PCDHA2: variants seen among roughly 807,000 people sequenced by gnomAD.
The protein encoded by PCDHA2 is protocadherin alpha 2.
Under a neutral mutation model 66.0 loss-of-function variants are expected in PCDHA2, and 58 were observed. That is an observed-to-expected ratio of 0.88 (90% CI 0.71 to 1.09). PCDHA2 has a LOEUF of 1.09. Ranked by LOEUF, PCDHA2 falls within the 50% of genes least tolerant of loss-of-function variation. The pLI, the probability that PCDHA2 is intolerant of heterozygous loss-of-function variation, is 0.00. For missense variants in PCDHA2, 1,267 were observed against 1,242.3 expected (o/e 1.02, Z -0.30); for synonymous variants, 634 against 554.0 (o/e 1.14, Z -2.03).
intron 1 of PCDHA2, chr5:140,814,870 A>G (rs1246667787): frequency 2.6e-5 from 4 of 152,220 alleles, no homozygotes; most frequent in South Asian, 4.2e-4. Flanking sequence ...AGGTGTTTTA[A>G]TGTTGGGTGC....
At chr5:140,977,094 T>C (rs1291290436) in intron 1 of PCDHA2, among the ~76,000 whole-genome samples, 1 of 152,206 alleles carries the variant, frequency 6.6e-6, no homozygotes, top group Non-Finnish European at 1.5e-5. Context: ...AATGTGTCAT[T>C]GGGGAAGTGA....
intron 1 of PCDHA2, chr5:140,807,555 T>C (rs1554124077): frequency 3.7e-6 from 6 of 1,613,804 alleles, no homozygotes; most frequent in Non-Finnish European, 5.1e-6. Flanking sequence ...GACGTGGAGG[T>C]GAGGGACATT....
At chr5:140,886,860 C>T (rs1363871264) in intron 1 of PCDHA2, among the ~76,000 whole-genome samples, 1 of 151,304 alleles carries the variant, frequency 6.6e-6, no homozygotes, top group East Asian at 1.9e-4. Flanking sequence ...AAGGTCTTCC[C>T]AACTCCTATA....
chr5:140,997,686 G>T (rs1005092816), intron 3 of PCDHA2, among the ~76,000 whole-genome samples: 1 of 151,980 alleles, frequency 6.6e-6, no homozygotes, highest in Non-Finnish European at 1.5e-5. Flanking sequence ...GTGTGTGTGT[G>T]TGTGTGTGTG....
chr5:140,801,062 G>C (rs1554121267), intron 1 of PCDHA2: 7 of 1,455,288 alleles, frequency 4.8e-6, no homozygotes, highest in Non-Finnish European at 6.3e-6. Flanking sequence ...CGTGCATTAC[G>C]TATTCAGATA....
At position 140,797,311 on chromosome 5, in the gene PCDHA2, G is replaced by T; in HGVS notation, c.2347G>T (p.Ala783Ser). ...TAGCTTATCTCAAGGTCCAGACTCC[G>T]CAGAAGAGAAACAGCTCTCAGAATC... ...SPSLSQGPDS[A>S]EEKQLSESEY... Residue 783 changes from alanine to serine, a missense_variant, in exon 1 of 4, where the codon GCA becomes TCA. Ala to Ser is a moderately conservative substitution (Grantham distance 99). Coordinates refer to ENST00000526136, the MANE Select transcript of PCDHA2 (RefSeq NM_018905.3). 4 of 1,614,198 alleles carry T rather than the reference G, an allele frequency of 2.5e-6. No homozygotes were observed. In the Admixed American group the frequency reaches 5.0e-5, roughly 20 times the overall value.
chr5:140,936,003 C>T (rs1362734996), intron 1 of PCDHA2, among the ~76,000 whole-genome samples: 22 of 151,556 alleles, frequency 1.5e-4, no homozygotes, highest in Non-Finnish European at 1.5e-4. Context: ...AGCGATTCTC[C>T]CACCTCAGCC....
At chr5:140,888,128 T>C (rs1365856723) in intron 1 of PCDHA2, among the ~76,000 whole-genome samples, 1 of 152,248 alleles carries the variant, frequency 6.6e-6, no homozygotes, top group Non-Finnish European at 1.5e-5. Flanking sequence ...TCTATGGATA[T>C]ATTTTCTTGC....
At chr5:140,809,706 G>A in intron 1 of PCDHA2, 1 of 1,097,712 alleles carries the variant, frequency 9.1e-7, no homozygotes, top group Non-Finnish European at 1.3e-6. Flanking sequence ...TTTAACTAAA[G>A]TCTTTTGGAA....
chr5:140,899,962 C>G (rs1562916347), intron 1 of PCDHA2, among the ~76,000 whole-genome samples: 1 of 152,064 alleles, frequency 6.6e-6, no homozygotes, highest in African/African-American at 2.4e-5. Flanking sequence ...CATGTGCTGC[C>G]ATGCCCAGCT....
chr5:140,966,970 G>C, intron 1 of PCDHA2: 1 of 1,602,870 alleles, frequency 6.2e-7, no homozygotes, highest in Non-Finnish European at 8.5e-7. Flanking sequence ...TGGGGCTTGA[G>C]CTGCGGCGCT....
At chr5:140,871,934 C>T (rs2053394158) in intron 1 of PCDHA2, among the ~76,000 whole-genome samples, 1 of 152,222 alleles carries the variant, frequency 6.6e-6, no homozygotes, top group Non-Finnish European at 1.5e-5. Flanking sequence ...GTTAGATCAA[C>T]TGGCTTTGTT....
chr5:141,008,786 T>C (rs2098390952), intron 3 of PCDHA2, among the ~76,000 whole-genome samples: 1 of 152,212 alleles, frequency 6.6e-6, no homozygotes, highest in South Asian at 2.1e-4. Context: ...TGGCTCCCAG[T>C]GTTTTATCTA....
chr5:141,006,343 C>T (rs1036137270), intron 3 of PCDHA2, among the ~76,000 whole-genome samples: 41 of 152,038 alleles, frequency 2.7e-4, no homozygotes, highest in African/African-American at 8.9e-4. Context: ...TCCTGAGTAG[C>T]TGGGACTATA....
At chr5:140,866,125 C>T (rs577622922) in intron 1 of PCDHA2, 6 of 152,174 alleles carry the variant, frequency 3.9e-5, no homozygotes, top group East Asian at 1.9e-4. Flanking sequence ...ATAAGAACTA[C>T]GTATCTGTTG....
chr5:140,871,420 C>G (rs1193380487), intron 1 of PCDHA2: 1 of 1,613,620 alleles, frequency 6.2e-7, no homozygotes, highest in Non-Finnish European at 8.5e-7. Context: ...GGCCTTCAGC[C>G]CCAGTCTTCC....
At chr5:140,963,237 G>A (rs782735845) in intron 1 of PCDHA2, among the ~76,000 whole-genome samples, 50 of 152,136 alleles carry the variant, frequency 3.3e-4, no homozygotes, top group Non-Finnish European at 6.2e-4. Flanking sequence ...CTGTTTGATG[G>A]ATTAGGTAGG....
Position 140,914,628 on chromosome 5 carries a change from G to A in PCDHA2, c.2389-64321G>A, listed in dbSNP as rs540654869. 1.3e-4 allele frequency among the ~76,000 whole-genome samples: 19 copies of A among 151,834 alleles called. No homozygotes were observed. The South Asian group carries it at 1.7e-3, about 13-fold the overall frequency. ...CTGCCATTTTGTAATTTGTTTTCTC[G>A]TGGTTTCATGGTCATCTCTCCCTTC... is the stretch of plus-strand genomic sequence containing the variant. On this transcript the variant is annotated intron_variant, in intron 1 of 3. Transcript: ENST00000526136.
chr5:140,869,302 G>A, intron 1 of PCDHA2: 5 of 1,613,642 alleles, frequency 3.1e-6, no homozygotes, highest in Non-Finnish European at 4.2e-6. Flanking sequence ...GTTCCGGGTG[G>A]CGTCCAAAAC....
Sources: allele counts gnomAD v4.1 joint callset (sites outside exome capture counted in the v4.1 genomes callset), GRCh38; gene constraint gnomAD v4.1.1; transcripts MANE v1.5; gene names NCBI Gene and HGNC (gene_info 2026-07-23, HGNC 2026-07-21).